Variants in DRD3 observed in about 807,000 individuals in gnomAD.
The protein encoded by DRD3 is dopamine receptor D3.
Under a neutral mutation model 36.3 loss-of-function variants are expected in DRD3, and 19 were observed. The observed-to-expected ratio is 0.52, with a 90% CI of 0.36 to 0.77. The LOEUF (loss-of-function observed/expected upper bound fraction) is 0.77. Among genes scored for constraint, DRD3 ranks in the 30% least tolerant of loss-of-function variants. The pLI, the probability that DRD3 is intolerant of heterozygous loss-of-function variation, is 0.00. For synonymous variants in DRD3, 195 were observed against 203.7 expected (o/e 0.96, Z 0.36); for missense variants, 465 against 505.3 (o/e 0.92, Z 0.77).
At chr3:114,149,262 T>C (rs1436202853) in intron 3 of DRD3, among the ~76,000 whole-genome samples, 1 of 151,876 alleles carries the variant, frequency 6.6e-6, no homozygotes, top group African/African-American at 2.4e-5. Context: ...TAACACAGAG[T>C]GAGCAGGGAA....
At chr3:114,168,540 T>G (rs2077808420) in intron 2 of DRD3, among the ~76,000 whole-genome samples, 1 of 152,130 alleles carries the variant, frequency 6.6e-6, no homozygotes, top group South Asian at 2.1e-4. Flanking sequence ...TTTAAGCTAC[T>G]ACAGGGAAAG....
intron 1 of DRD3, among the ~76,000 whole-genome samples, chr3:114,198,910 T>A (rs1483756143): frequency 6.6e-6 from 1 of 152,150 alleles, no homozygotes; most frequent in Non-Finnish European, 1.5e-5. Flanking sequence ...AAGCTAATTT[T>A]AAAAATATAT....
At chr3:114,167,842 A>G (rs1270966303) in intron 2 of DRD3, among the ~76,000 whole-genome samples, 1 of 152,236 alleles carries the variant, frequency 6.6e-6, no homozygotes, top group Admixed American at 6.5e-5. Flanking sequence ...GTCCAATCAG[A>G]GCACATCTTG....
upstream of DRD3, among the ~76,000 whole-genome samples, chr3:114,183,261 A>G (rs1369327993): frequency 6.6e-6 from 1 of 152,160 alleles, no homozygotes; most frequent in African/African-American, 2.4e-5. Context: ...ATTGATTTCT[A>G]ATTTCCTCCC....
chr3:114,152,630 C>T (rs886359674), intron 3 of DRD3, among the ~76,000 whole-genome samples: 6 of 152,246 alleles, frequency 3.9e-5, no homozygotes, highest in Non-Finnish European at 8.8e-5. Context: ...GCAGCAAGAA[C>T]TCTGCCAGCA....
intron 1 of DRD3, among the ~76,000 whole-genome samples, chr3:114,184,984 AT>A (rs2077967755): frequency 6.6e-6 from 1 of 152,200 alleles, no homozygotes; most frequent in African/African-American, 2.4e-5. Flanking sequence ...CTCATGAGAA[AT>A]TTGTTAATAT....
At chr3:114,175,238 G>A (rs574377548) in intron 1 of DRD3, among the ~76,000 whole-genome samples, 44 of 152,256 alleles carry the variant, frequency 2.9e-4, no homozygotes, top group African/African-American at 8.7e-4. Flanking sequence ...CTAGCATAAT[G>A]TCTGGCACAT....
chr3:114,177,151 G>A (rs983671106), intron 1 of DRD3, among the ~76,000 whole-genome samples: 9 of 152,186 alleles, frequency 5.9e-5, no homozygotes, highest in African/African-American at 2.2e-4. Context: ...CACATCATCT[G>A]ACTAGGCTTG....
chr3:114,189,169 GTTGAT>G (rs2077990539), intron 1 of DRD3, among the ~76,000 whole-genome samples: 1 of 151,970 alleles, frequency 6.6e-6, no homozygotes, highest in Admixed American at 6.6e-5. Flanking sequence ...CTTTTATTCA[GTTGAT>G]TTAACATTTT....
chr3:114,165,668 G>A (rs2077776262), intron 2 of DRD3, among the ~76,000 whole-genome samples: 2 of 151,940 alleles, frequency 1.3e-5, no homozygotes, highest in Non-Finnish European at 2.9e-5. Context: ...AAATATCTAA[G>A]AGGCAAAGAT....
intron 1 of DRD3, among the ~76,000 whole-genome samples, chr3:114,187,717 A>G (rs1560005044): frequency 6.6e-6 from 1 of 152,198 alleles, no homozygotes; most frequent in South Asian, 2.1e-4. Context: ...CTTTATTGGA[A>G]TGGCTTCACT....
intron 2 of DRD3, among the ~76,000 whole-genome samples, chr3:114,164,929 T>A (rs1461835939): frequency 2.0e-5 from 3 of 152,202 alleles, no homozygotes; most frequent in Non-Finnish European, 4.4e-5. Flanking sequence ...TTTTGTATTT[T>A]TAGTAGAGAC....
At chr3:114,143,449 A>G (rs368969307) in intron 4 of DRD3, among the ~76,000 whole-genome samples, 5 of 152,236 alleles carry the variant, frequency 3.3e-5, no homozygotes, top group South Asian at 2.1e-4. Context: ...AGACAAAGGC[A>G]TCTATGAGGC....
chr3:114,154,530 T>C (rs1208948359), intron 3 of DRD3, among the ~76,000 whole-genome samples: 4 of 152,164 alleles, frequency 2.6e-5, no homozygotes, highest in Admixed American at 1.3e-4. Flanking sequence ...AATATATCTT[T>C]AGTTCTGTGG....
In DRD3 at chr3:114,139,539, G is replaced by T; in HGVS notation, c.684C>A (p.Asn228Lys). 6.2e-7 allele frequency: 1 copy of T among 1,614,054 alleles called. No individual in the cohort carries two copies. The highest frequency in any genetic ancestry group is 8.5e-7 in the Non-Finnish European group (1 of 1,179,962). ...RRRKRILTRQNSQCNSVRPGF... is the reference protein window; with the variant it reads ...RRRKRILTRQKSQCNSVRPGF... ...CAGGCCTGACACTGTTGCACTGACT[G>T]TTCTGTCGAGTGAGGATCCTTTTCC... is the stretch of plus-strand genomic sequence containing the variant. The change falls in exon 5 of 7, where the codon AAC becomes AAA. Residue 228 changes from asparagine to lysine, a missense_variant. By Grantham distance (94) the Asn-to-Lys change is moderately conservative. Transcript: ENST00000383673.
intron 4 of DRD3, 113 bp from the exon 5 acceptor site, chr3:114,139,809 G>T: frequency 1.0e-6 from 1 of 979,812 alleles, no homozygotes; most frequent in Non-Finnish European, 1.5e-6. Context: ...CTGCACAGGG[G>T]GTGGGAAGGA....
intron 1 of DRD3, chr3:114,175,824 A>T: frequency 6.6e-6 from 1 of 152,194 alleles, no homozygotes; most frequent in East Asian, 1.9e-4. Flanking sequence ...CAGTGTTAGG[A>T]GTTAAAAGTG....
intron 5 of DRD3, among the ~76,000 whole-genome samples, chr3:114,136,958 C>G (rs2077480228): frequency 6.6e-6 from 1 of 152,114 alleles, no homozygotes; most frequent in African/African-American, 2.4e-5. Context: ...CGTCTGTTTC[C>G]TCTAATGCAG....
At chr3:114,156,545 C>T (rs1171414959) in intron 3 of DRD3, among the ~76,000 whole-genome samples, 1 of 151,780 alleles carries the variant, frequency 6.6e-6, no homozygotes, top group African/African-American at 2.4e-5. Flanking sequence ...TGATCCCTTA[C>T]CTGAAATTCT....
Sources: allele counts gnomAD v4.1 joint callset (sites outside exome capture counted in the v4.1 genomes callset), GRCh38; gene constraint gnomAD v4.1.1; transcripts MANE v1.5; gene names NCBI Gene and HGNC (gene_info 2026-07-23, HGNC 2026-07-21).